IL1RAPL1: variants seen among roughly 807,000 people sequenced by gnomAD.
IL1RAPL1 encodes interleukin-1 receptor accessory protein-like 1.
Under a neutral mutation model 48.4 loss-of-function variants are expected in IL1RAPL1, and 3 were observed. The ratio of observed to expected loss-of-function variants is 0.06; its 90% CI spans 0.03 to 0.16. IL1RAPL1 has a LOEUF of 0.16. Ranked by LOEUF, IL1RAPL1 falls within the 10% of genes least tolerant of loss-of-function variation. The probability of loss-of-function intolerance (pLI) is 1.00; values close to 1 mark genes in which losing one functional copy is unlikely to be tolerated. For missense variants in IL1RAPL1, 349 were observed against 530.6 expected, an observed-to-expected ratio of 0.66 and a Z score of 3.36; for synonymous variants, 185 against 187.7, an observed-to-expected ratio of 0.99 and a Z score of 0.12.
At chrX:28,938,653 G>A (rs775673895) in intron 2 of IL1RAPL1, among the ~76,000 whole-genome samples, 1 of 111,122 alleles carries the variant, frequency 9.0e-6, no homozygotes, top group South Asian at 3.7e-4. Flanking sequence ...AAGCAATTGC[G>A]ACAAAAGCAA....
chrX:29,468,911 G>A (rs1019806019), intron 5 of IL1RAPL1, among the ~76,000 whole-genome samples: 7 of 111,482 alleles, frequency 6.3e-5, no homozygotes, highest in African/African-American at 1.3e-4. Flanking sequence ...AATCACTTTC[G>A]TTAGCTACTG....
At chrX:29,411,666 G>A (rs1251625969) in intron 5 of IL1RAPL1, among the ~76,000 whole-genome samples, 3 of 107,514 alleles carry the variant, frequency 2.8e-5, no homozygotes, top group Non-Finnish European at 5.7e-5. Context: ...CAGACCACTA[G>A]CTAAACTTAT....
intron 1 of IL1RAPL1, among the ~76,000 whole-genome samples, chrX:28,786,543 A>G (rs1437675621): frequency 3.6e-5 from 4 of 112,278 alleles, no homozygotes; most frequent in African/African-American, 1.3e-4. Flanking sequence ...TCTAAGCACT[A>G]TGCTATATAT....
At chrX:29,949,110 G>A (rs1002780980) in intron 9 of IL1RAPL1, among the ~76,000 whole-genome samples, 2 of 111,807 alleles carry the variant, frequency 1.8e-5, no homozygotes, top group African/African-American at 6.5e-5. Flanking sequence ...AACATTGAGG[G>A]TATTATCCTC....
At chrX:29,345,413 A>G (rs1219855998) in intron 3 of IL1RAPL1, among the ~76,000 whole-genome samples, 5 of 111,854 alleles carry the variant, frequency 4.5e-5, no homozygotes, top group Non-Finnish European at 9.4e-5. Context: ...TCATATTCTT[A>G]GTGTCTATTT....
chrX:28,695,395 T>C lies in IL1RAPL1; in HGVS notation c.-24-93925T>C, dbSNP rs189810523. On this transcript the variant is annotated intron_variant, in intron 1 of 10. Transcript: ENST00000378993. ...TCTGACTGCCTAGCATGTGCCTTTA[T>C]ATTTGATGCTGTATCACACTAAATT... Among the ~76,000 whole-genome samples, 24 of 111,109 alleles carry C rather than the reference T, an allele frequency of 2.2e-4. No homozygotes were observed. The East Asian group carries it at 6.6e-3, about 30-fold the overall frequency.
rs544610658 is a variant in IL1RAPL1 at position 28,983,286 on chromosome X, A to G, written c.82+193861A>G. Among the ~76,000 whole-genome samples, 91 of 111,752 alleles carry G rather than the reference A, an allele frequency of 8.1e-4. No individual in the cohort carries two copies. The South Asian group carries it at 0.018, about 23-fold the overall frequency. ...AAATTTCTCCATCCTGTACACAGAC[A>G]TCAGAGTACTCTACTCCAAAGAGGC... On this transcript the variant is annotated intron_variant, in intron 2 of 10. Coordinates refer to ENST00000378993, the MANE Select transcript of IL1RAPL1 (RefSeq NM_014271.4).
At chrX:29,770,700 G>A (rs932420181) in intron 6 of IL1RAPL1, among the ~76,000 whole-genome samples, 2 of 112,422 alleles carry the variant, frequency 1.8e-5, no homozygotes, top group Admixed American at 9.4e-5. Flanking sequence ...TGCTGCTAAA[G>A]AGCGTCTGTT....
At chrX:29,330,034 G>T (rs1404854776) in intron 3 of IL1RAPL1, among the ~76,000 whole-genome samples, 1 of 110,749 alleles carries the variant, frequency 9.0e-6, no homozygotes, top group Non-Finnish European at 1.9e-5. Flanking sequence ...AAATGGGAGT[G>T]ACTGGTAATA....
chrX:29,812,677 A>C (rs1930405393), intron 6 of IL1RAPL1, among the ~76,000 whole-genome samples: 1 of 111,640 alleles, frequency 9.0e-6, no homozygotes, highest in South Asian at 3.8e-4. Flanking sequence ...GAATTTTCTA[A>C]ATCATTTCAG....
intron 5 of IL1RAPL1, among the ~76,000 whole-genome samples, chrX:29,430,615 GTA>G (rs1290552201): frequency 8.5e-5 from 9 of 106,477 alleles, no homozygotes; most frequent in Non-Finnish European, 1.7e-4. Context: ...GTGTGTGTGT[GTA>G]TGTGTATGTT....
intron 6 of IL1RAPL1, among the ~76,000 whole-genome samples, chrX:29,884,423 C>T (rs1379601420): frequency 2.7e-5 from 3 of 110,472 alleles, no homozygotes; most frequent in Non-Finnish European, 5.7e-5. Context: ...TCCCAGGACA[C>T]CACATTCTCT....
At chrX:29,251,417 T>G (rs767480146) in intron 2 of IL1RAPL1, among the ~76,000 whole-genome samples, 2 of 111,224 alleles carry the variant, frequency 1.8e-5, no homozygotes, top group Non-Finnish European at 3.8e-5. Flanking sequence ...TTAAGAAAAA[T>G]AATATATGGG....
At chrX:29,133,154 G>A (rs1185913457) in intron 2 of IL1RAPL1, among the ~76,000 whole-genome samples, 2 of 111,621 alleles carry the variant, frequency 1.8e-5, no homozygotes, top group Non-Finnish European at 3.8e-5. Context: ...CCCTGAATAA[G>A]AAGTCTCTAG....
chrX:28,651,181 T>G (rs1378170214), intron 1 of IL1RAPL1, among the ~76,000 whole-genome samples: 1 of 112,484 alleles, frequency 8.9e-6, no homozygotes, highest in Non-Finnish European at 1.9e-5. Flanking sequence ...TCTCTCTATG[T>G]AAATGCAAAT....
At chrX:29,160,193 T>C (rs1929654392) in intron 2 of IL1RAPL1, among the ~76,000 whole-genome samples, 1 of 112,109 alleles carries the variant, frequency 8.9e-6, no homozygotes, top group Admixed American at 9.5e-5. Flanking sequence ...ACTATTTTAG[T>C]TTTCTCAGAT....
At chrX:29,651,666 A>G (rs1240308157) in intron 5 of IL1RAPL1, among the ~76,000 whole-genome samples, 2 of 111,233 alleles carry the variant, frequency 1.8e-5, no homozygotes, top group Non-Finnish European at 3.8e-5. Context: ...ATATATAATT[A>G]TAGTTAGATA....
chrX:29,610,361 T>C (rs1924049373), intron 5 of IL1RAPL1, among the ~76,000 whole-genome samples: 1 of 111,809 alleles, frequency 8.9e-6, no homozygotes, highest in East Asian at 2.8e-4. Context: ...CTCTTCATGG[T>C]GGCCAGAATT....
intron 5 of IL1RAPL1, among the ~76,000 whole-genome samples, chrX:29,405,128 G>A (rs750421881): frequency 7.3e-5 from 8 of 109,989 alleles, no homozygotes; most frequent in Non-Finnish European, 1.3e-4. Flanking sequence ...TGGCCAGGAT[G>A]GTCTTGATAT....
Sources: allele counts gnomAD v4.1 joint callset (sites outside exome capture counted in the v4.1 genomes callset), GRCh38; gene constraint gnomAD v4.1.1; transcripts MANE v1.5; gene names NCBI Gene and HGNC (gene_info 2026-07-23, HGNC 2026-07-21).